Variants in ADORA2A observed in about 807,000 individuals in gnomAD.
ADORA2A encodes adenosine receptor A2a.
A neutral mutation model predicts 18.4 loss-of-function variants in ADORA2A; 11 were observed. That is an observed-to-expected ratio of 0.60 (90% confidence interval 0.38 to 0.99). The LOEUF is 0.99. Among genes scored for constraint, ADORA2A ranks in the 50% least tolerant of loss-of-function variants. ADORA2A has a pLI of 0.01. For missense variants in ADORA2A, 449 were observed against 556.1 expected (o/e 0.81, Z 1.94); for synonymous variants, 218 against 237.3 (o/e 0.92, Z 0.75).
rs149141630 is a variant in ADORA2A, at chr22:24,440,949, G to A, written c.699G>A (p.Lys233=). Reference sequence around the variant, plus strand: ...TGCAGAAGGAGGTCCATGCTGCCAAGTCACTGGCCATCATTGTGGGGCTCT... The same window carrying A: ...TGCAGAAGGAGGTCCATGCTGCCAAATCACTGGCCATCATTGTGGGGCTCT... ...STLQKEVHAA[K]SLAIIVGLFA... The change falls in exon 3 of 3, where the codon AAG becomes AAA. Residue 233 remains lysine, a synonymous_variant. Transcript: ENST00000337539. The A allele has an allele frequency of 5.6e-6, 9 of 1,614,028 alleles. No homozygotes were observed. The African/African-American group carries it at 6.7e-5, about 12-fold the overall frequency.
chr22:24,425,553 C>A (rs1163666181), upstream of ADORA2A, among the ~76,000 whole-genome samples: 1 of 152,218 alleles, frequency 6.6e-6, no homozygotes, highest in Non-Finnish European at 1.5e-5. Flanking sequence ...GAGCTGTGAG[C>A]TTTCCTGCTC....
At position 24,441,685 on chromosome 22, in the gene ADORA2A, C is replaced by T; in HGVS notation, c.*196C>T. On this transcript the variant is annotated 3_prime_UTR_variant, in exon 3 of 3. Coordinates refer to ENST00000337539, the MANE Select transcript of ADORA2A (RefSeq NM_000675.6). Reference sequence around the variant, plus strand: ...AAGAAGGGCTTGGGTTCTGAGGAAGCAGATGTTTCATGCTGTGAGGCCTTG... The same window carrying T: ...AAGAAGGGCTTGGGTTCTGAGGAAGTAGATGTTTCATGCTGTGAGGCCTTG... The T allele has an allele frequency of 2.0e-6, 1 of 498,820 alleles. No individual in the cohort carries two copies. The highest frequency in any genetic ancestry group is 3.3e-6 in the Non-Finnish European group (1 of 298,940). 30.9% of individuals were successfully genotyped at this position (498,820 alleles called of 1,614,324 possible). A position where few individuals can be genotyped will look rare whatever the true frequency, so the allele number is the denominator to read the frequency against.
At chr22:24,430,977 G>C (rs2043017521) in intron 1 of ADORA2A, 5 of 373,104 alleles carry the variant, frequency 1.3e-5, no homozygotes, top group South Asian at 9.8e-5. Context: ...AGGCAGCCCG[G>C]GGCCAGCACC....
intron 2 of ADORA2A, among the ~76,000 whole-genome samples, chr22:24,435,232 G>C (rs1304853812): frequency 6.6e-6 from 1 of 152,200 alleles, no homozygotes; most frequent in African/African-American, 2.4e-5. Context: ...TCCATCCATT[G>C]CTCTGCGACG....
intron 1 of ADORA2A, chr22:24,430,978 G>C (rs1431265739): frequency 5.3e-6 from 2 of 375,792 alleles, no homozygotes; most frequent in Non-Finnish European, 1.1e-5. Flanking sequence ...GGCAGCCCGG[G>C]GCCAGCACCA....
upstream of ADORA2A, among the ~76,000 whole-genome samples, chr22:24,425,112 T>C (rs985312508): frequency 1.1e-4 from 16 of 152,110 alleles, no homozygotes; most frequent in Non-Finnish European, 1.6e-4. Context: ...ACCCTGCCTC[T>C]GCTGCCGGCT....
intron 2 of ADORA2A, among the ~76,000 whole-genome samples, chr22:24,438,022 C>G (rs1045829385): frequency 6.6e-6 from 1 of 152,390 alleles, no homozygotes; most frequent in Admixed American, 6.5e-5. Flanking sequence ...AGGGCCCAGG[C>G]AGCTCTGCAA....
intron 2 of ADORA2A, 42 bp downstream of exon 2, chr22:24,433,778 G>A (rs901081962): frequency 3.8e-6 from 6 of 1,565,384 alleles, no homozygotes; most frequent in Non-Finnish European, 4.3e-6. Context: ...GGCTGTTGGT[G>A]CCCAGGCTTT....
rs201862876 is a variant in ADORA2A at position 24,441,547 on chromosome 22, T to C, written c.*58T>C. The C allele has an allele frequency of 5.1e-5, 74 of 1,442,656 alleles. No individual in the cohort carries two copies. The East Asian group carries it at 7.5e-4, about 15-fold the overall frequency. 89.4% of individuals were successfully genotyped at this position (1,442,656 alleles called of 1,614,324 possible). A position where few individuals can be genotyped will look rare whatever the true frequency, so the allele number is the denominator to read the frequency against. On this transcript the variant is annotated 3_prime_UTR_variant, in exon 3 of 3. Transcript: ENST00000337539. ...GGAGATCTTTATCTTTCTGGTTGGC[T>C]TGACCAGTCACGTTGGGAGAAGAGA...
chr22:24,436,205 C>T (rs368315698), intron 2 of ADORA2A, among the ~76,000 whole-genome samples: 1 of 152,164 alleles, frequency 6.6e-6, no homozygotes, highest in African/African-American at 2.4e-5. Flanking sequence ...TGTGGGCTCC[C>T]GAGAGCAAGC....
chr22:24,437,362 G>A (rs549500240), intron 2 of ADORA2A, among the ~76,000 whole-genome samples: 4 of 152,254 alleles, frequency 2.6e-5, no homozygotes, highest in Admixed American at 1.3e-4. Context: ...GGTCTAAGAC[G>A]GCAAGATGTG....
At chr22:24,426,849 T>C (rs2042923997), upstream of ADORA2A, among the ~76,000 whole-genome samples, 1 of 152,174 alleles carries the variant, frequency 6.6e-6, no homozygotes, top group Non-Finnish European at 1.5e-5. Context: ...CCTCTCTCCC[T>C]TCACCTTCTC....
upstream of ADORA2A, among the ~76,000 whole-genome samples, chr22:24,425,530 TGCTGAGCTG>T (rs1021611455): frequency 1.5e-4 from 23 of 152,346 alleles, no homozygotes; most frequent in Middle Eastern, 3.4e-3. Flanking sequence ...GTTTCCCCAG[TGCTGAGCTG>T]GCTGAGCTGT....
chr22:24,428,794 C>T (rs961299360), intron 1 of ADORA2A, among the ~76,000 whole-genome samples: 5 of 152,208 alleles, frequency 3.3e-5, no homozygotes, highest in African/African-American at 1.2e-4. Flanking sequence ...GGGCAGCAGC[C>T]GCCTCCCAGG....
chr22:24,433,477 G>A lies in ADORA2A; in HGVS notation c.73G>A (p.Val25Met). 6.2e-7 allele frequency: 1 copy of A among 1,614,178 alleles called. No homozygotes were observed. The highest frequency in any genetic ancestry group is 8.5e-7 in the Non-Finnish European group (1 of 1,180,046). Residue 25 changes from valine (V) to methionine (M), a missense_variant, in exon 2 of 3, where the codon GTG (valine) becomes ATG (methionine). Transcript: ENST00000337539. Reference sequence around the variant, plus strand: ...TGCTGTGCTGGCCATCCTGGGCAATGTGCTGGTGTGCTGGGCCGTGTGGCT... The same window carrying A: ...TGCTGTGCTGGCCATCCTGGGCAATATGCTGGTGTGCTGGGCCGTGTGGCT... ...AIAVLAILGN[V>M]LVCWAVWLNS...
At chr22:24,423,790 G>A (rs2042885753), upstream of ADORA2A, 1 of 152,140 alleles carries the variant, frequency 6.6e-6, no homozygotes, top group Non-Finnish European at 1.5e-5. Flanking sequence ...CGGGCCTCGC[G>A]GGCCGATGCC....
At chr22:24,425,335 G>GCCC (rs1161639556), upstream of ADORA2A, among the ~76,000 whole-genome samples, 2 of 54,504 alleles carry the variant, frequency 3.7e-5, no homozygotes, top group African/African-American at 7.8e-5. Flanking sequence ...CCTGTGGGCA[G>GCCC]CACCCCCCCC....
intron 2 of ADORA2A, chr22:24,439,146 G>A (rs1002719373): frequency 5.1e-5 from 7 of 138,600 alleles, no homozygotes; most frequent in South Asian, 2.3e-4. Context: ...GTGCAGTGGC[G>A]CGATCTTGGC....
Position 24,441,030 on chromosome 22 carries a change from C to G in ADORA2A, c.780C>G (p.Pro260=), listed in dbSNP as rs141377465. Residue 260 remains proline (P), a synonymous_variant, in exon 3 of 3, where the codon CCC becomes CCG. Transcript: ENST00000337539. ...TCAACTGCTTCACTTTCTTCTGCCC[C>G]GACTGCAGCCACGCCCCTCTCTGGC... ...HIINCFTFFC[P]DCSHAPLWLM... 6.2e-7 allele frequency: 1 copy of G among 1,614,010 alleles called. No individual in the cohort carries two copies. The highest frequency in any genetic ancestry group is 8.5e-7 in the Non-Finnish European group (1 of 1,180,038).
Sources: allele counts gnomAD v4.1 joint callset (sites outside exome capture counted in the v4.1 genomes callset), GRCh38; gene constraint gnomAD v4.1.1; transcripts MANE v1.5; gene names NCBI Gene and HGNC (gene_info 2026-07-23, HGNC 2026-07-21).